HIVEP2: variants seen among roughly 807,000 people sequenced by gnomAD.
HIVEP2 encodes the protein HIVEP zinc finger 2, also known as transcription factor HIVEP2.
HIVEP2 carries 14 observed loss-of-function variants against 180.7 expected under a neutral mutation model. The ratio of observed to expected loss-of-function variants is 0.08; its 90% CI spans 0.05 to 0.12. The LOEUF is 0.12. Among genes scored for constraint, HIVEP2 ranks in the 10% least tolerant of loss-of-function variants. The probability of loss-of-function intolerance (pLI) is 1.00; values close to 1 mark genes in which losing one functional copy is unlikely to be tolerated. For missense variants in HIVEP2, 2,579 were observed against 3,008.5 expected (o/e 0.86, Z 3.34); for synonymous variants, 1,184 against 1,136.4 (o/e 1.04, Z -0.84).
At chr6:142,929,513 CTT>C (rs1777892966) in intron 1 of HIVEP2, among the ~76,000 whole-genome samples, 1 of 152,136 alleles carries the variant, frequency 6.6e-6, no homozygotes, top group African/African-American at 2.4e-5. Flanking sequence ...AAATGCACCT[CTT>C]TTACACCATG....
intron 1 of HIVEP2, among the ~76,000 whole-genome samples, chr6:142,887,515 CA>C (rs2128419615): frequency 6.6e-6 from 1 of 152,156 alleles, no homozygotes; most frequent in East Asian, 1.9e-4. Context: ...AAAACAATAC[CA>C]ATATCCAAAG....
chr6:142,944,349 G>C (rs1043793958), intron 1 of HIVEP2, among the ~76,000 whole-genome samples: 5 of 138,534 alleles, frequency 3.6e-5, no homozygotes, highest in African/African-American at 1.1e-4. Context: ...TAGCAGAGCG[G>C]ATCTGGAGTC....
intron 1 of HIVEP2, among the ~76,000 whole-genome samples, chr6:142,838,408 T>C (rs1775278774): frequency 6.6e-6 from 1 of 152,128 alleles, no homozygotes; most frequent in Non-Finnish European, 1.5e-5. Context: ...TGTCAAATGG[T>C]TTGGTTATTT....
chr6:142,761,108 T>G (rs1261348667), intron 8 of HIVEP2, among the ~76,000 whole-genome samples: 2 of 152,214 alleles, frequency 1.3e-5, no homozygotes, highest in Non-Finnish European at 1.5e-5. Context: ...CCTACTGGGT[T>G]TCTTCTTAAC....
intron 1 of HIVEP2, among the ~76,000 whole-genome samples, chr6:142,856,031 G>A (rs1775810974): frequency 6.6e-6 from 1 of 152,088 alleles, no homozygotes; most frequent in Admixed American, 6.5e-5. Context: ...TGCTGGTTTT[G>A]TTGTTTTTTG....
At position 142,772,455 on chromosome 6, in the gene HIVEP2, G is replaced by A. The variant is rs201191571; in HGVS notation, c.2284C>T (p.Arg762Trp). The change falls in exon 5 of 10, where the codon CGG becomes TGG. Residue 762 changes from arginine (R) to tryptophan (W), a missense_variant. Physicochemically the swap from Arg to Trp is moderately radical, Grantham distance 101 (BLOSUM62 -3). Around this residue, in one of 11 missense-constraint regions of HIVEP2, gnomAD observed 524 missense variants for 563.6 expected, o/e 0.93. Coordinates refer to ENST00000367603, the MANE Select transcript of HIVEP2 (RefSeq NM_006734.4). The surrounding 1 kb of genome is among the most constrained non-coding windows in gnomAD (Gnocchi z 4.9). ...HGHTERFDPC[R>W]PQLQPGSPSL... ...GGACTTCCAGGCTGCAGTTGGGGCCGACATGGGTCAAAGCGTTCCGTGTGA... is the reference window on the plus strand; with the variant it reads ...GGACTTCCAGGCTGCAGTTGGGGCCAACATGGGTCAAAGCGTTCCGTGTGA... The A allele has an allele frequency of 1.2e-4, 199 of 1,614,090 alleles. No individual in the cohort carries two copies. The highest frequency in any genetic ancestry group is 1.6e-4 in the Middle Eastern group (1 of 6,084).
chr6:142,933,475 C>T (rs911733272), intron 1 of HIVEP2, among the ~76,000 whole-genome samples: 19 of 152,326 alleles, frequency 1.2e-4, no homozygotes, highest in Admixed American at 9.8e-4. Context: ...CTTCTGTTTG[C>T]TTCATACTGC....
chr6:142,836,853 A>G (rs1040910932), intron 2 of HIVEP2, 82 bp downstream of exon 2: 1 of 152,162 alleles, frequency 6.6e-6, no homozygotes, highest in African/African-American at 2.4e-5. Flanking sequence ...ATTTCACATA[A>G]AGCTCATTTA....
intron 4 of HIVEP2, among the ~76,000 whole-genome samples, chr6:142,775,833 C>CA (rs11369540): frequency 0.7 from 103,153 of 148,306 alleles, 36,391 homozygotes; most frequent in African/African-American, 0.81. Flanking sequence ...GACTCCATCT[C>CA]AAAAAAAAAC....
At chr6:142,903,990 G>A (rs1230721843) in intron 1 of HIVEP2, among the ~76,000 whole-genome samples, 1 of 152,110 alleles carries the variant, frequency 6.6e-6, no homozygotes, top group Non-Finnish European at 1.5e-5. Context: ...TATACACAGA[G>A]ATGGAACACA....
At chr6:142,762,974 G>A (rs745552922) in intron 7 of HIVEP2, among the ~76,000 whole-genome samples, 31 of 152,248 alleles carry the variant, frequency 2.0e-4, no homozygotes, top group Middle Eastern at 3.4e-3. Flanking sequence ...TTAATGAAAT[G>A]TATCTACAAA....
chr6:142,907,599 T>C (rs903478497), intron 1 of HIVEP2, among the ~76,000 whole-genome samples: 8 of 152,216 alleles, frequency 5.3e-5, no homozygotes, highest in African/African-American at 1.4e-4. Context: ...ACTTTGCCTC[T>C]ACCCTACTCC....
At chr6:142,875,759 T>C (rs558250640) in intron 1 of HIVEP2, among the ~76,000 whole-genome samples, 1 of 152,274 alleles carries the variant, frequency 6.6e-6, no homozygotes, top group East Asian at 1.9e-4. Context: ...TGGAAAGGTT[T>C]GGTGGAGGAG....
rs765012008 is a variant in HIVEP2 at position 142,773,157 on chromosome 6, G to A, written c.1582C>T (p.Pro528Ser). 2.5e-6 allele frequency: 4 copies of A among 1,614,186 alleles called. No individual in the cohort carries two copies. Among genetic ancestry groups the A allele is most frequent in the Non-Finnish European group, 3.4e-6 (4 of 1,180,036 alleles). The change falls in exon 5 of 10, where the codon CCG becomes TCG. Residue 528 changes from proline to serine, a missense_variant. Transcript: ENST00000367603. Reference protein sequence around the residue: ...LYPANFQGSNPVLLEAPVDSS... With the variant: ...LYPANFQGSNSVLLEAPVDSS... ...TCTACAGGAGCTTCTAAGAGAACCG[G>A]GTTGCTGCCTTGGAAGTTTGCTGGA... is the stretch of plus-strand genomic sequence containing the variant.
At chr6:142,915,760 C>T (rs1447632623) in intron 1 of HIVEP2, among the ~76,000 whole-genome samples, 1 of 152,106 alleles carries the variant, frequency 6.6e-6, no homozygotes, top group Admixed American at 6.6e-5. Flanking sequence ...TCTTTACACC[C>T]TCTCATCCAC....
At chr6:142,797,818 A>G (rs1424102709) in intron 2 of HIVEP2, among the ~76,000 whole-genome samples, 1 of 151,834 alleles carries the variant, frequency 6.6e-6, no homozygotes, top group African/African-American at 2.4e-5. Flanking sequence ...AGAAGAAATC[A>G]TAGTATACAT....
chr6:142,803,072 C>G (rs1024955356), intron 2 of HIVEP2, among the ~76,000 whole-genome samples: 1 of 152,146 alleles, frequency 6.6e-6, no homozygotes, highest in East Asian at 1.9e-4. Flanking sequence ...ATATAAAACT[C>G]TGTAGTATAT....
At chr6:142,766,195 AAC>A (rs1380146750) in intron 6 of HIVEP2, among the ~76,000 whole-genome samples, 3 of 152,216 alleles carry the variant, frequency 2.0e-5, no homozygotes, top group African/African-American at 7.2e-5. Flanking sequence ...TTTAAACAGC[AAC>A]TCTGTTACGG....
Position 142,802,120 on chromosome 6 carries a change from T to C in HIVEP2, c.-527-18505A>G, listed in dbSNP as rs369538480. ...TCTCAATAGCAATCTAAAATGTGTG[T>C]TCTGATAGATGGGTGGCTCCATACT... On this transcript the variant is annotated intron_variant, in intron 2 of 9. Coordinates refer to ENST00000367603, the MANE Select transcript of HIVEP2 (RefSeq NM_006734.4). 2.6e-5 allele frequency among the ~76,000 whole-genome samples: 4 copies of C among 152,300 alleles called. No homozygotes were observed. In the East Asian group the frequency reaches 5.8e-4, roughly 22 times the overall value.
Sources: allele counts gnomAD v4.1 joint callset (sites outside exome capture counted in the v4.1 genomes callset), GRCh38; gene constraint gnomAD v4.1.1; regional missense constraint gnomAD v4.1.1; non-coding constraint Gnocchi (gnomAD v3.1); transcripts MANE v1.5; gene names NCBI Gene and HGNC (gene_info 2026-07-23, HGNC 2026-07-21).